PHC1: variants seen among roughly 807,000 people sequenced by gnomAD.
PHC1 encodes polyhomeotic-like protein 1.
In PHC1, 12 loss-of-function variants were observed where a neutral mutation model predicts 104.3. The ratio of observed to expected loss-of-function variants is 0.12; its 90% CI spans 0.07 to 0.19. The LOEUF (loss-of-function observed/expected upper bound fraction) is 0.19, where lower values mean the gene tolerates loss of function less well. Ranked by LOEUF, PHC1 falls within the 10% of genes least tolerant of loss-of-function variation. PHC1 has a pLI of 1.00. For synonymous variants in PHC1, 302 were observed against 455.8 expected, an observed-to-expected ratio of 0.66 and a Z score of 4.30; for missense variants, 671 against 1,200.0, an observed-to-expected ratio of 0.56 and a Z score of 6.51.
At chr12:8,926,576 G>T (rs1478562060) in intron 6 of PHC1, among the ~76,000 whole-genome samples, 1 of 150,492 alleles carries the variant, frequency 6.6e-6, no homozygotes, top group South Asian at 2.1e-4. Flanking sequence ...AGCCAAGATC[G>T]TGCCACTGCA....
intron 11 of PHC1, among the ~76,000 whole-genome samples, chr12:8,935,471 CA>C (rs1462485766): frequency 6.6e-6 from 1 of 152,002 alleles, no homozygotes; most frequent in African/African-American, 2.4e-5. Flanking sequence ...ACTACAAATA[CA>C]AAAATTAGCC....
chr12:8,918,341 T>C (rs937345871), intron 2 of PHC1, among the ~76,000 whole-genome samples: 1 of 152,270 alleles, frequency 6.6e-6, no homozygotes, highest in African/African-American at 2.4e-5. Flanking sequence ...CATACTGATA[T>C]GTAAAAATGC....
At chr12:8,926,543 C>G (rs1213763032) in intron 6 of PHC1, among the ~76,000 whole-genome samples, 1 of 151,960 alleles carries the variant, frequency 6.6e-6, no homozygotes, top group Non-Finnish European at 1.5e-5. Flanking sequence ...ATCACTTGAA[C>G]CTGGGAGGTG....
At chr12:8,938,114 C>A in intron 14 of PHC1, 54 bp downstream of exon 14, 1 of 1,225,166 alleles carries the variant, frequency 8.2e-7, no homozygotes, top group Non-Finnish European at 1.2e-6. Flanking sequence ...CATCATCCCA[C>A]AGGGGCCTTG....
rs1203583437 is a variant in PHC1 at position 8,919,504 on chromosome 12, G to A, written c.115-252G>A. ...CTTGGGAGGTTGAGGCAGTCAGGAG[G>A]ATTATTTGAGCCTAGGAGTTTGAGG... On this transcript the variant is annotated intron_variant, in intron 2 of 14. Coordinates refer to ENST00000544916, the MANE Select transcript of PHC1 (RefSeq NM_004426.3). This position sits in a 1 kb window ranked among gnomAD's most constrained non-coding sequence, Gnocchi z 4.9. Among the ~76,000 whole-genome samples, 3 of 152,180 alleles carry A rather than the reference G, an allele frequency of 2.0e-5. No individual in the cohort carries two copies. The highest frequency in any genetic ancestry group is 7.2e-5 in the African/African-American group (3 of 41,446).
At chr12:8,918,197 T>C (rs940563799) in intron 2 of PHC1, among the ~76,000 whole-genome samples, 1 of 152,232 alleles carries the variant, frequency 6.6e-6, no homozygotes, top group Non-Finnish European at 1.5e-5. Flanking sequence ...TGAGGTCTTT[T>C]AGCAAATATT....
At chr12:8,917,849 A>T (rs907161371) in intron 2 of PHC1, 58 bp downstream of exon 2, 2 of 864,270 alleles carry the variant, frequency 2.3e-6, no homozygotes, top group Admixed American at 2.9e-5. Flanking sequence ...GTAGGCAGTG[A>T]TGCTGGAAAA....
chr12:8,930,424 G>C lies in PHC1; in HGVS notation c.613-11G>C. The C allele has an allele frequency of 6.2e-7, 1 of 1,607,094 alleles. No individual in the cohort carries two copies. Among genetic ancestry groups the C allele is most frequent in the East Asian group, 2.2e-5 (1 of 44,596 alleles). ...CCTCCTTTTCTCAATCTGTTTTTTCGTATCTTTCAGGTTCAGAACTTGGCA... is the reference window on the plus strand; with the variant it reads ...CCTCCTTTTCTCAATCTGTTTTTTCCTATCTTTCAGGTTCAGAACTTGGCA... On this transcript the variant is annotated splice_polypyrimidine_tract_variant and intron_variant, in intron 6 of 14. Transcript: ENST00000544916.
Position 8,933,070 on chromosome 12 carries a change from C to T in PHC1, c.1613C>T (p.Ala538Val). The T allele has an allele frequency of 2.8e-6, 2 of 713,192 alleles. No individual in the cohort carries two copies. Among genetic ancestry groups the T allele is most frequent in the Non-Finnish European group, 4.5e-6 (2 of 439,788 alleles). 44.2% of individuals were successfully genotyped at this position (713,192 alleles called of 1,614,324 possible). A position where few individuals can be genotyped will look rare whatever the true frequency, so the allele number is the denominator to read the frequency against. Reference sequence around the variant, plus strand: ...GTAGGCACTCGACAGCCAGGTACAGCCCAGGCACAGGCTTTGGGGTTGGCA... The same window carrying T: ...GTAGGCACTCGACAGCCAGGTACAGTCCAGGCACAGGCTTTGGGGTTGGCA... ...QVVGTRQPGT[A>V]QAQALGLAQL... Residue 538 changes from alanine (A) to valine (V), a missense_variant, in exon 8 of 15, where the codon GCC becomes GTC. Around this residue, in one of 9 missense-constraint regions of PHC1, gnomAD observed 26 missense variants for 130.8 expected, o/e 0.20. Transcript: ENST00000544916.
At position 8,914,691 on chromosome 12, in the gene PHC1, C is replaced by T. The variant is rs1304224638; in HGVS notation, c.-185C>T. On this transcript the variant is annotated 5_prime_UTR_variant, in exon 1 of 15. Transcript: ENST00000544916. ...CCACCCCGCCCTCGGCGCCCCCGCC[C>T]CTCCAGGAAGGGGAGGAGGCGAGGG... is the stretch of plus-strand genomic sequence containing the variant. 1.3e-5 allele frequency: 2 copies of T among 151,388 alleles called. No individual in the cohort carries two copies. The highest frequency in any genetic ancestry group is 1.9e-4 in the East Asian group (1 of 5,136). 9.4% of individuals were successfully genotyped at this position (151,388 alleles called of 1,614,324 possible).
At position 8,914,790 on chromosome 12, in the gene PHC1, C is replaced by T. The variant is rs990897625; in HGVS notation, c.-86C>T. On this transcript the variant is annotated 5_prime_UTR_variant, in exon 1 of 15. Transcript: ENST00000544916. ...GGGACCCCGGCACATGAGGTGGACG[C>T]CCCCGGGGAAGACTTGGGTGCACAG... 11 of 153,728 alleles carry T rather than the reference C, an allele frequency of 7.2e-5. No individual in the cohort carries two copies. Among genetic ancestry groups the T allele is most frequent in the African/African-American group, 2.4e-4 (10 of 41,466 alleles). 9.5% of individuals were successfully genotyped at this position (153,728 alleles called of 1,614,324 possible).
rs943825260 is a variant in PHC1 at position 8,937,475 on chromosome 12, A to G, written c.2628+149A>G. 5.7e-5 allele frequency: 43 copies of G among 754,834 alleles called. 1 individual carries two copies. In the South Asian group the frequency reaches 8.3e-4, roughly 15 times the overall value. 46.8% of individuals were successfully genotyped at this position (754,834 alleles called of 1,614,324 possible). ...TTACTACAAATTCCAAGAGATCCTG[A>G]CCCCCTTTGTCTCCGGACCTCTTAC... On this transcript the variant is annotated intron_variant, in intron 13 of 14. Transcript: ENST00000544916.
intron 13 of PHC1, 50 bp downstream of exon 13, chr12:8,937,376 C>A: frequency 6.7e-7 from 1 of 1,496,600 alleles, no homozygotes; most frequent in Non-Finnish European, 8.9e-7. Flanking sequence ...GTCTTTTTTT[C>A]TTTCCCTGCA....
chr12:8,917,581 C>A, intron 1 of PHC1, 49 bp from the exon 2 acceptor site: 1 of 523,454 alleles, frequency 1.9e-6, no homozygotes, highest in South Asian at 3.4e-5. Context: ...CATGAGATAA[C>A]AGCTTGGGAT....
Position 8,938,072 on chromosome 12 carries a change from C to G in PHC1, c.2860+12C>G, listed in dbSNP as rs3026261. 2 of 1,584,232 alleles carry G rather than the reference C, an allele frequency of 1.3e-6. No individual in the cohort carries two copies. Among genetic ancestry groups the G allele is most frequent in the Non-Finnish European group, 8.7e-7 (1 of 1,155,596 alleles). On this transcript the variant is annotated intron_variant, in intron 14 of 14. Transcript: ENST00000544916. ...TGCTTCTCTCCAAGGTACTGACCCT[C>G]TCTTCAACAGAACCCAGGTTGTTTT...
Position 8,922,714 on chromosome 12 carries a change from A to G in PHC1, c.538A>G (p.Asn180Asp). Residue 180 changes from asparagine to aspartate, a missense_variant, in exon 6 of 15, where the codon AAT (asparagine) becomes GAT (aspartate). Around this residue, in one of 9 missense-constraint regions of PHC1, gnomAD observed 237 missense variants for 331.1 expected, o/e 0.72. Transcript: ENST00000544916. ...PLASQLILMP[N>D]GAVAAVQQEV... ...AGCCTCCCAACTCATCCTGATGCCT[A>G]ATGGGGCGGTGGCTGCAGTCCAGCA... 2 of 1,611,068 alleles carry G rather than the reference A, an allele frequency of 1.2e-6. No homozygotes were observed. Among genetic ancestry groups the G allele is most frequent in the South Asian group, 1.1e-5 (1 of 90,108 alleles).
At chr12:8,922,394 CTA>C (rs1945390556) in intron 5 of PHC1, among the ~76,000 whole-genome samples, 1 of 152,154 alleles carries the variant, frequency 6.6e-6, no homozygotes, top group East Asian at 1.9e-4. Flanking sequence ...CTAATTTTCT[CTA>C]TTTCTTTGAC....
intron 14 of PHC1, 66 bp from the exon 15 acceptor site, chr12:8,939,237 TCA>T: frequency 3.8e-6 from 6 of 1,577,234 alleles, no homozygotes; most frequent in Non-Finnish European, 4.3e-6. Flanking sequence ...TTGCTAGACC[TCA>T]GTTTCATTTA....
rs144507618 is a variant in PHC1 at position 8,928,483 on chromosome 12, T to C, written c.613-1952T>C. Among the ~76,000 whole-genome samples the C allele has an allele frequency of 6.8e-3, 1,039 of 152,330 alleles. 12 individuals carry two copies. The highest frequency in any genetic ancestry group is 0.024 in the African/African-American group (990 of 41,576). ...ATGTAATAAGCAGTGTGCAGTTCCG[T>C]CTACTGCCTTCCATTACCCACAGTA... is the stretch of plus-strand genomic sequence containing the variant. On this transcript the variant is annotated intron_variant, in intron 6 of 14. Transcript: ENST00000544916.
Sources: allele counts gnomAD v4.1 joint callset (sites outside exome capture counted in the v4.1 genomes callset), GRCh38; gene constraint gnomAD v4.1.1; regional missense constraint gnomAD v4.1.1; non-coding constraint Gnocchi (gnomAD v3.1); transcripts MANE v1.5; gene names NCBI Gene and HGNC (gene_info 2026-07-23, HGNC 2026-07-21).